Variants in BABAM2 observed in about 807,000 individuals in gnomAD.
BABAM2 encodes the protein BRISC and BRCA1 A complex member 2.
In BABAM2, 31 loss-of-function variants were observed where a neutral mutation model predicts 54.7. The ratio of observed to expected loss-of-function variants is 0.57; its 90% confidence interval spans 0.43 to 0.77. The LOEUF (loss-of-function observed/expected upper bound fraction) is 0.77, where lower values mean the gene tolerates loss of function less well. BABAM2 is among the 30% of genes least tolerant of loss of function. The pLI is 0.00. For missense variants in BABAM2, 364 were observed against 455.8 expected, an observed-to-expected ratio of 0.80 and a Z score of 1.83; for synonymous variants, 167 against 162.9, an observed-to-expected ratio of 1.03 and a Z score of -0.19.
chr2:27,969,197 G>T (rs1023749756), intron 3 of BABAM2, among the ~76,000 whole-genome samples: 1 of 152,114 alleles, frequency 6.6e-6, no homozygotes, highest in Middle Eastern at 3.2e-3. Context: ...CTTGCCTTCT[G>T]CCATGATTGT....
intron 6 of BABAM2, among the ~76,000 whole-genome samples, chr2:28,090,779 C>T (rs74883596): frequency 0.05 from 7,634 of 152,170 alleles, 262 homozygotes; most frequent in Non-Finnish European, 0.075. Flanking sequence ...GGGTTAGTAG[C>T]GTTATTTTGT....
In BABAM2 at chr2:28,087,940, A is replaced by G. The variant is rs905721190; in HGVS notation, c.571-41331A>G. On this transcript the variant is annotated intron_variant, in intron 6 of 11. Coordinates refer to ENST00000379624, the MANE Select transcript of BABAM2 (RefSeq NM_199191.3). ...GCTGGGATTACAGGCATGAGCCACC[A>G]TGCCTGGCCGAGGTTTTGTTTCTAA... 3.3e-5 allele frequency among the ~76,000 whole-genome samples: 5 copies of G among 152,144 alleles called. No homozygotes were observed. In the South Asian group the frequency reaches 1.0e-3, roughly 32 times the overall value.
chr2:27,966,014 G>A (rs1402004339), intron 3 of BABAM2, among the ~76,000 whole-genome samples: 3 of 152,032 alleles, frequency 2.0e-5, no homozygotes, highest in Non-Finnish European at 4.4e-5. Flanking sequence ...TTTCATTTCT[G>A]TGGTGTCATT....
intron 5 of BABAM2, among the ~76,000 whole-genome samples, chr2:28,026,499 G>A (rs1463781842): frequency 6.6e-6 from 1 of 151,372 alleles, no homozygotes; most frequent in Admixed American, 6.6e-5. Context: ...ACCAAACATG[G>A]CATATTCTCA....
At chr2:27,964,977 G>A (rs1258204382) in intron 3 of BABAM2, among the ~76,000 whole-genome samples, 1 of 152,156 alleles carries the variant, frequency 6.6e-6, no homozygotes, top group Non-Finnish European at 1.5e-5. Context: ...TTTTGTTACA[G>A]GAGAAATTGA....
intron 6 of BABAM2, among the ~76,000 whole-genome samples, chr2:28,049,105 TG>T (rs756182955): frequency 1.6e-4 from 25 of 152,326 alleles, no homozygotes; most frequent in Non-Finnish European, 2.2e-4. Context: ...TACAGTATTT[TG>T]GGGGATAGGA....
chr2:28,107,348 T>C (rs1667616253), intron 6 of BABAM2, among the ~76,000 whole-genome samples: 1 of 152,234 alleles, frequency 6.6e-6, no homozygotes, highest in Admixed American at 6.5e-5. Flanking sequence ...ACTCACTTTG[T>C]AATCCCTTTC....
chr2:27,998,096 T>C (rs968732533), intron 4 of BABAM2, among the ~76,000 whole-genome samples: 1 of 152,050 alleles, frequency 6.6e-6, no homozygotes, highest in African/African-American at 2.4e-5. Context: ...GAGGTTGCAG[T>C]GATCCAAGAT....
chr2:27,992,248 G>T (rs1052934828), intron 4 of BABAM2, among the ~76,000 whole-genome samples: 11 of 152,206 alleles, frequency 7.2e-5, no homozygotes, highest in Non-Finnish European at 1.3e-4. Flanking sequence ...TTGTTCAGTT[G>T]TAAGAGTTCT....
intron 7 of BABAM2, among the ~76,000 whole-genome samples, chr2:28,139,341 A>AAAAAG (rs1553326511): frequency 0.024 from 3,019 of 123,230 alleles, 38 homozygotes; most frequent in South Asian, 0.048. Flanking sequence ...AAAAAAAAAA[A>AAAAAG]AAAAGAAAAA....
At chr2:27,980,725 A>T (rs1330773290) in intron 3 of BABAM2, among the ~76,000 whole-genome samples, 1 of 46,054 alleles carries the variant, frequency 2.2e-5, no homozygotes, top group East Asian at 5.8e-4. Flanking sequence ...TTTAGTACAT[A>T]TCTTTTCCTT....
chr2:28,153,134 A>G (rs1416380153), intron 7 of BABAM2, among the ~76,000 whole-genome samples: 2 of 151,996 alleles, frequency 1.3e-5, no homozygotes, highest in African/African-American at 4.8e-5. Flanking sequence ...TTTCTCCCCC[A>G]TGACTTTAGC....
At chr2:28,147,578 A>G (rs1350622911) in intron 7 of BABAM2, among the ~76,000 whole-genome samples, 3 of 150,714 alleles carry the variant, frequency 2.0e-5, no homozygotes, top group South Asian at 4.2e-4. Context: ...GGTTCATGCC[A>G]TTCTCCTGCC....
At chr2:28,001,758 A>AG (rs989913822) in intron 4 of BABAM2, among the ~76,000 whole-genome samples, 2 of 151,930 alleles carry the variant, frequency 1.3e-5, no homozygotes, top group African/African-American at 4.8e-5. Flanking sequence ...GAGAGAGAGG[A>AG]GGGGGGTGCT....
At chr2:28,286,390 A>G (rs1686817460) in intron 10 of BABAM2, among the ~76,000 whole-genome samples, 2 of 152,150 alleles carry the variant, frequency 1.3e-5, no homozygotes. Context: ...GTTCAAGGGT[A>G]ATGCTCATAG....
intron 11 of BABAM2, among the ~76,000 whole-genome samples, chr2:28,313,971 A>G (rs1689296729): frequency 6.6e-6 from 1 of 152,220 alleles, no homozygotes; most frequent in Admixed American, 6.5e-5. Flanking sequence ...ATCAAAATGT[A>G]GAAAACCCCA....
intron 3 of BABAM2, among the ~76,000 whole-genome samples, chr2:27,933,414 A>T (rs1668241013): frequency 6.6e-6 from 1 of 152,058 alleles, no homozygotes; most frequent in Middle Eastern, 3.2e-3. Flanking sequence ...GATCATGGAA[A>T]CTATATTTAT....
At chr2:28,129,509 C>A (rs1669850603) in intron 7 of BABAM2, 129 bp downstream of exon 7, 2 of 845,910 alleles carry the variant, frequency 2.4e-6, no homozygotes, top group African/African-American at 1.7e-5. Flanking sequence ...TTAAAAAATT[C>A]ATCATATTAA....
chr2:27,917,627 A>G (rs1177704482), intron 2 of BABAM2, among the ~76,000 whole-genome samples: 2 of 152,108 alleles, frequency 1.3e-5, no homozygotes, highest in Non-Finnish European at 2.9e-5. Flanking sequence ...CAAAGGCCCT[A>G]CCTCTTAATA....
Sources: gnomAD v4.1 joint callset for allele counts (sites outside exome capture counted in the v4.1 genomes callset) on GRCh38, gnomAD v4.1.1 for gene constraint, MANE v1.5 for transcripts, NCBI Gene and HGNC (gene_info 2026-07-23, HGNC 2026-07-21) for gene names.